Variants in ACACA observed in about 807,000 individuals in gnomAD.
The protein encoded by ACACA is acetyl-CoA carboxylase 1.
Under a neutral mutation model 296.1 loss-of-function variants are expected in ACACA, and 103 were observed. The ratio of observed to expected loss-of-function variants is 0.35; its 90% CI spans 0.30 to 0.41. The LOEUF (loss-of-function observed/expected upper bound fraction) is 0.41. Ranked by LOEUF, ACACA falls within the 10% of genes least tolerant of loss-of-function variation. ACACA has a pLI of 1.00. For missense variants in ACACA, 1,554 were observed against 2,989.7 expected (o/e 0.52, Z 11.20); for synonymous variants, 953 against 1,038.6 (o/e 0.92, Z 1.58).
Position 37,277,917 on chromosome 17 carries a change from A to T in ACACA, c.699T>A (p.Ile233=). ...TTACTTGTACTGGGATCCTTTTAGCAATATCAAGAATTAATTCCACATTTG... is the reference window on the plus strand; with the variant it reads ...TTACTTGTACTGGGATCCTTTTAGCTATATCAAGAATTAATTCCACATTTG... ...NYANVELILD[I]AKRIPVQAVW... Residue 233 remains isoleucine (I), a synonymous_variant, in exon 6 of 56, where the codon ATT becomes ATA. Coordinates refer to ENST00000616317, the MANE Select transcript of ACACA (RefSeq NM_198834.3). 6.2e-7 allele frequency: 1 copy of T among 1,613,724 alleles called. No individual in the cohort carries two copies. The highest frequency in any genetic ancestry group is 8.5e-7 in the Non-Finnish European group (1 of 1,179,626).
chr17:37,358,145 GTT>G (rs376753014), intron 1 of ACACA, among the ~76,000 whole-genome samples: 10 of 152,240 alleles, frequency 6.6e-5, no homozygotes, highest in African/African-American at 2.4e-4. Flanking sequence ...CTCCTGAGCA[GTT>G]ATATTCTTAA....
chr17:37,401,374 G>C (rs1245624657), intron 1 of ACACA, among the ~76,000 whole-genome samples: 3 of 151,320 alleles, frequency 2.0e-5, no homozygotes, highest in Admixed American at 1.3e-4. Flanking sequence ...TGTTTTTTTA[G>C]TAGAGACAGG....
At chr17:37,398,468 T>C (rs774526669) in intron 1 of ACACA, among the ~76,000 whole-genome samples, 29 of 142,830 alleles carry the variant, frequency 2.0e-4, no homozygotes, top group Non-Finnish European at 4.1e-4. Flanking sequence ...GTATTTTTAG[T>C]TGAGATGTGG....
chr17:37,228,109 A>G (rs1457164479), intron 25 of ACACA, among the ~76,000 whole-genome samples: 1 of 152,114 alleles, frequency 6.6e-6, no homozygotes, highest in Non-Finnish European at 1.5e-5. Flanking sequence ...CAGTATAAAT[A>G]AAAGACATGC....
chr17:37,161,494 TGA>T, intron 42 of ACACA: 1 of 462,938 alleles, frequency 2.2e-6, no homozygotes, highest in Non-Finnish European at 3.8e-6. Flanking sequence ...TATATATTTT[TGA>T]TTTAGCATGT....
At chr17:37,324,265 C>A (rs183089068) in intron 3 of ACACA, among the ~76,000 whole-genome samples, 107 of 152,106 alleles carry the variant, frequency 7.0e-4, no homozygotes, top group African/African-American at 2.0e-3. Context: ...ACTGGGGAGG[C>A]TGAGGCAGGA....
At chr17:37,263,625 G>T in intron 11 of ACACA, 60 bp downstream of exon 11, 1 of 1,378,652 alleles carries the variant, frequency 7.3e-7, no homozygotes, top group Non-Finnish European at 1.0e-6. Context: ...ATTGGTACAT[G>T]AACTGAATGA....
intron 33 of ACACA, among the ~76,000 whole-genome samples, chr17:37,204,697 G>T (rs1042343651): frequency 3.3e-5 from 5 of 152,128 alleles, no homozygotes; most frequent in African/African-American, 1.2e-4. Flanking sequence ...AAAGGTGAAA[G>T]AAAACTTTCT....
At chr17:37,121,264 C>T (rs1465469592) in intron 50 of ACACA, 91 bp downstream of exon 50, 4 of 1,568,968 alleles carry the variant, frequency 2.5e-6, no homozygotes, top group East Asian at 2.2e-5. Flanking sequence ...TATTAGGACA[C>T]CCACAGATTC....
intron 29 of ACACA, among the ~76,000 whole-genome samples, chr17:37,216,189 C>CATGTGT (rs559609131): frequency 0.15 from 21,507 of 141,008 alleles, 2,062 homozygotes; most frequent in Admixed American, 0.3. Flanking sequence ...CATACACACA[C>CATGTGT]GTGTGTGTGT....
chr17:37,099,507 CT>C (rs1213482822), intron 52 of ACACA, among the ~76,000 whole-genome samples: 1 of 135,170 alleles, frequency 7.4e-6, no homozygotes, highest in Non-Finnish European at 1.6e-5. Context: ...GGGAGGAGGG[CT>C]GATAGCAGGA....
chr17:37,222,113 C>T, intron 28 of ACACA: 1 of 483,488 alleles, frequency 2.1e-6, no homozygotes, highest in Non-Finnish European at 3.8e-6. Flanking sequence ...TAACCTAAAC[C>T]CTGGAGAAGG....
chr17:37,213,348 CAAAAA>C (rs11353673), intron 29 of ACACA, among the ~76,000 whole-genome samples: 1 of 78,616 alleles, frequency 1.3e-5, no homozygotes, highest in Non-Finnish European at 3.0e-5. Flanking sequence ...AAGTAAGTCT[CAAAAA>C]AAAAAAAAAA....
At chr17:37,241,083 T>C (rs1048115776) in intron 23 of ACACA, among the ~76,000 whole-genome samples, 7 of 152,108 alleles carry the variant, frequency 4.6e-5, no homozygotes, top group Non-Finnish European at 8.8e-5. Context: ...TAGTCCCAGC[T>C]ACTCAAGAGG....
At chr17:37,171,490 T>C (rs1234032489) in intron 41 of ACACA, among the ~76,000 whole-genome samples, 1 of 152,136 alleles carries the variant, frequency 6.6e-6, no homozygotes, top group Non-Finnish European at 1.5e-5. Context: ...CACAGAACAC[T>C]AAATAATAGA....
At chr17:37,288,030 T>A (rs552207617) in intron 3 of ACACA, among the ~76,000 whole-genome samples, 1 of 152,304 alleles carries the variant, frequency 6.6e-6, no homozygotes, top group East Asian at 1.9e-4. Context: ...GGAGAATGAT[T>A]TGTCTAAGGT....
At chr17:37,323,321 A>T (rs1445211534) in intron 3 of ACACA, among the ~76,000 whole-genome samples, 2 of 152,262 alleles carry the variant, frequency 1.3e-5, no homozygotes, top group Non-Finnish European at 2.9e-5. Flanking sequence ...TACACTGGGC[A>T]AGGTAGCTCA....
Position 37,322,587 on chromosome 17 carries a change from A to T in ACACA, c.338+7586T>A, listed in dbSNP as rs1015787925. Among the ~76,000 whole-genome samples, 3 of 151,786 alleles carry T rather than the reference A, an allele frequency of 2.0e-5. No homozygotes were observed. In the East Asian group the frequency reaches 5.8e-4, roughly 29 times the overall value. Reference sequence around the variant, plus strand: ...TCCAAATGCTTCATTTTCCAAGACCACTCTGGCCTGCAACACCCCCAATCC... The same window carrying T: ...TCCAAATGCTTCATTTTCCAAGACCTCTCTGGCCTGCAACACCCCCAATCC... On this transcript the variant is annotated intron_variant, in intron 3 of 55. Transcript: ENST00000616317.
rs181090108 is a variant in ACACA, at chr17:37,350,605, C to T, written c.39-10755G>A. Reference sequence around the variant, plus strand: ...CTGTAATCCTAGCACTTTGGGAGGCCGAGGCAGGTAGATCACCTGAGATTG... The same window carrying T: ...CTGTAATCCTAGCACTTTGGGAGGCTGAGGCAGGTAGATCACCTGAGATTG... On this transcript the variant is annotated intron_variant, in intron 1 of 55. Transcript: ENST00000616317. Among the ~76,000 whole-genome samples the T allele has an allele frequency of 1.1e-4, 16 of 152,148 alleles. No homozygotes were observed. The East Asian group carries it at 3.1e-3, about 29-fold the overall frequency.
Sources: allele counts gnomAD v4.1 joint callset (sites outside exome capture counted in the v4.1 genomes callset), GRCh38; gene constraint gnomAD v4.1.1; transcripts MANE v1.5; gene names NCBI Gene and HGNC (gene_info 2026-07-23, HGNC 2026-07-21).